PLEKHA7: variants seen among roughly 807,000 people sequenced by gnomAD.
PLEKHA7 encodes the protein pleckstrin homology domain containing A7, also known as pleckstrin homology domain-containing family A member 7.
PLEKHA7 carries 104 observed loss-of-function variants against 170.0 expected under a neutral mutation model. The observed-to-expected ratio is 0.61, with a 90% confidence interval of 0.52 to 0.72. The LOEUF (loss-of-function observed/expected upper bound fraction) is 0.72, where lower values mean the gene tolerates loss of function less well. Among genes scored for constraint, PLEKHA7 ranks in the 30% least tolerant of loss-of-function variants. The pLI is 0.00. For missense variants in PLEKHA7, 1,615 were observed against 1,671.7 expected (o/e 0.97, Z 0.59); for synonymous variants, 648 against 660.8 (o/e 0.98, Z 0.30).
rs897795892 is a variant in PLEKHA7, at chr11:17,005,574, C to T, written c.221+8415G>A. The stretch of plus-strand genomic sequence containing the variant: ...AGAGAGAGAGAGAATGGAGAGGGTG[C>T]CATCAAGGCACAAGAAACCTACACC... On this transcript the variant is annotated intron_variant, in intron 3 of 26. Transcript: ENST00000531066. Among the ~76,000 whole-genome samples the T allele has an allele frequency of 1.7e-4, 26 of 152,024 alleles. 1 individual carries two copies. The highest frequency in any genetic ancestry group is 1.7e-3 in the Admixed American group (26 of 15,244).
chr11:16,827,376 T>C (rs1466256974), intron 9 of PLEKHA7, among the ~76,000 whole-genome samples: 1 of 152,200 alleles, frequency 6.6e-6, no homozygotes, highest in African/African-American at 2.4e-5. Context: ...ACAGAGAAGA[T>C]CGATTATTTG....
intron 11 of PLEKHA7, 110 bp downstream of exon 11, chr11:16,816,690 T>C: frequency 3.8e-6 from 5 of 1,303,240 alleles, no homozygotes; most frequent in Non-Finnish European, 5.3e-6. Flanking sequence ...ACTGCCTAAG[T>C]ATTAGCTATC....
At chr11:16,855,958 A>G in intron 4 of PLEKHA7, 44 bp from the exon 5 acceptor site, 1 of 1,475,712 alleles carries the variant, frequency 6.8e-7, no homozygotes, top group Non-Finnish European at 9.5e-7. Flanking sequence ...GCCGAGCTAT[A>G]GAGTAGGAAG....
intron 3 of PLEKHA7, among the ~76,000 whole-genome samples, chr11:16,910,656 C>T (rs1858180814): frequency 6.6e-6 from 1 of 152,148 alleles, no homozygotes; most frequent in Non-Finnish European, 1.5e-5. Flanking sequence ...TTTTGGTTGT[C>T]ACAACTGGGA....
rs200638130 is a variant in PLEKHA7, at chr11:16,826,441, T to A, written c.1022A>T (p.Glu341Val). Residue 341 changes from glutamate (E) to valine (V), a missense_variant, in exon 10 of 27, where the codon GAG becomes GTG. Coordinates refer to ENST00000531066, the MANE Select transcript of PLEKHA7 (RefSeq NM_001329630.2). The stretch of plus-strand genomic sequence containing the variant: ...CCTCTGGGAACGGTACTGCTCTCCC[T>A]CCTGCTCCTGCCTCTCGAAGTTGAC... ...DIVNFERQEQ[E>V]GEQYRSQRDP... The A allele has an allele frequency of 5.1e-5, 83 of 1,614,248 alleles. No individual in the cohort carries two copies. The highest frequency in any genetic ancestry group is 3.3e-5 in the Admixed American group (2 of 60,024).
intron 3 of PLEKHA7, among the ~76,000 whole-genome samples, chr11:16,986,250 G>A (rs1863718844): frequency 6.6e-6 from 1 of 152,186 alleles, no homozygotes; most frequent in Non-Finnish European, 1.5e-5. Context: ...ACAGGATGGA[G>A]GCAAGAAAAC....
chr11:16,999,862 A>C (rs147365339), intron 3 of PLEKHA7, among the ~76,000 whole-genome samples: 145 of 152,212 alleles, frequency 9.5e-4, no homozygotes, highest in Admixed American at 3.3e-3. Flanking sequence ...GCTTGTGATA[A>C]ATGCTGACTC....
chr11:16,789,786 C>T lies in PLEKHA7; in HGVS notation c.3145G>A (p.Ala1049Thr), dbSNP rs779644156. The T allele has an allele frequency of 2.5e-6, 4 of 1,613,804 alleles. No individual in the cohort carries two copies. The highest frequency in any genetic ancestry group is 3.4e-6 in the Non-Finnish European group (4 of 1,179,840). Residue 1049 changes from alanine (A) to threonine (T), a missense_variant, in exon 22 of 27, where the codon GCG becomes ACG. By Grantham distance (58) the Ala-to-Thr change is moderately conservative. Transcript: ENST00000531066. The surrounding 1 kb of genome is among the most constrained non-coding windows in gnomAD (Gnocchi z 4.6). ...RRGLNAESSK[A>T]TFPRPKSALE... The stretch of plus-strand genomic sequence containing the variant: ...TCAAGGCCACTCACAGGGAAGGTCG[C>T]CTTGCTGCTTTCGGCATTGAGACCC...
chr11:17,012,987 C>A (rs1290938653), intron 3 of PLEKHA7: 1 of 134,654 alleles, frequency 7.4e-6, no homozygotes, highest in African/African-American at 2.7e-5. Flanking sequence ...GTAGTTCTGA[C>A]TCACAGTCGC....
intron 3 of PLEKHA7, among the ~76,000 whole-genome samples, chr11:16,874,573 T>C (rs1195714450): frequency 6.6e-6 from 1 of 152,224 alleles, no homozygotes. Context: ...CTAAATTATA[T>C]GTTCTCTGTA....
intron 9 of PLEKHA7, among the ~76,000 whole-genome samples, chr11:16,826,920 C>T (rs1047624297): frequency 1.3e-5 from 2 of 152,154 alleles, no homozygotes; most frequent in African/African-American, 2.4e-5. Context: ...CGGCCAGTGG[C>T]CCACCTGGCT....
intron 3 of PLEKHA7, among the ~76,000 whole-genome samples, chr11:17,006,596 C>T (rs1383083774): frequency 2.8e-5 from 4 of 143,696 alleles, no homozygotes; most frequent in Non-Finnish European, 4.5e-5. Context: ...CACTGCACTC[C>T]AGCCTGGGTG....
chr11:16,830,056 G>A (rs187631985), intron 9 of PLEKHA7, among the ~76,000 whole-genome samples: 133 of 151,924 alleles, frequency 8.8e-4, no homozygotes, highest in African/African-American at 3.1e-3. Context: ...AGAGCTCACC[G>A]CAGCCTCAAC....
At chr11:16,961,166 G>A (rs561198340) in intron 3 of PLEKHA7, among the ~76,000 whole-genome samples, 2 of 152,304 alleles carry the variant, frequency 1.3e-5, no homozygotes, top group South Asian at 4.1e-4. Flanking sequence ...GGGTCATTCA[G>A]CGAAGTTTCC....
chr11:16,891,874 G>A (rs1411562093), intron 3 of PLEKHA7, among the ~76,000 whole-genome samples: 1 of 152,102 alleles, frequency 6.6e-6, no homozygotes, highest in Non-Finnish European at 1.5e-5. Context: ...AAAACTCAGG[G>A]GACACAACTG....
chr11:16,806,004 G>A (rs1334776596), intron 13 of PLEKHA7, among the ~76,000 whole-genome samples: 1 of 152,130 alleles, frequency 6.6e-6, no homozygotes, highest in East Asian at 1.9e-4. Context: ...ACAATGTTCC[G>A]TTTGCTCATT....
intron 3 of PLEKHA7, among the ~76,000 whole-genome samples, chr11:16,955,574 G>A (rs1861648372): frequency 6.6e-6 from 1 of 152,146 alleles, no homozygotes. Flanking sequence ...AATAATAGAG[G>A]AGATGATGTA....
chr11:16,926,801 T>C (rs142399382), intron 3 of PLEKHA7, among the ~76,000 whole-genome samples: 1 of 152,308 alleles, frequency 6.6e-6, no homozygotes, highest in East Asian at 1.9e-4. Context: ...ATAGGGTGGC[T>C]CCCAGGCCCT....
Position 16,953,446 on chromosome 11 carries a change from A to C in PLEKHA7, c.221+60543T>G, listed in dbSNP as rs556832101. ...CTTGTGCCAAAAGAAAATGAACACA[A>C]TAAGAACAATTTTGTACACTATTTC... On this transcript the variant is annotated intron_variant, in intron 3 of 26. Transcript: ENST00000531066. 7.9e-5 allele frequency among the ~76,000 whole-genome samples: 12 copies of C among 152,378 alleles called. 1 individual carries two copies. The South Asian group carries it at 2.5e-3, about 32-fold the overall frequency.
Sources: gnomAD v4.1 joint callset for allele counts (sites outside exome capture counted in the v4.1 genomes callset) on GRCh38, gnomAD v4.1.1 for gene constraint, Gnocchi (gnomAD v3.1) non-coding constraint, MANE v1.5 for transcripts, NCBI Gene and HGNC (gene_info 2026-07-23, HGNC 2026-07-21) for gene names.